ARHGAP24: variants seen among roughly 807,000 people sequenced by gnomAD.
The protein encoded by ARHGAP24 is rho GTPase-activating protein 24.
In ARHGAP24, 50 loss-of-function variants were observed where a neutral mutation model predicts 76.4. The observed-to-expected ratio is 0.65, with a 90% confidence interval of 0.52 to 0.83. The LOEUF (loss-of-function observed/expected upper bound fraction) is 0.83. Ranked by LOEUF, ARHGAP24 falls within the 40% of genes least tolerant of loss-of-function variation. The probability of loss-of-function intolerance (pLI) is 0.00; values close to 1 mark genes in which losing one functional copy is unlikely to be tolerated. For synonymous variants in ARHGAP24, 345 were observed against 323.3 expected, an observed-to-expected ratio of 1.07 and a Z score of -0.72; for missense variants, 930 against 914.2, an observed-to-expected ratio of 1.02 and a Z score of -0.22.
intron 3 of ARHGAP24, among the ~76,000 whole-genome samples, chr4:85,807,527 C>A (rs1436499866): frequency 6.6e-6 from 1 of 152,010 alleles, no homozygotes; most frequent in African/African-American, 2.4e-5. Context: ...TCAATCATAC[C>A]CATTATTGTC....
At chr4:85,616,803 T>C (rs890384391) in intron 2 of ARHGAP24, among the ~76,000 whole-genome samples, 1 of 152,034 alleles carries the variant, frequency 6.6e-6, no homozygotes, top group African/African-American at 2.4e-5. Context: ...AATTTTTGTA[T>C]TTTTAGTAGA....
chr4:85,475,582 A>G (rs981653461), intron 1 of ARHGAP24, 23 bp downstream of exon 1: 1 of 150,238 alleles, frequency 6.7e-6, no homozygotes, highest in Non-Finnish European at 1.5e-5. Flanking sequence ...GTCGCGAGGA[A>G]GTGCGCGGAG....
intron 2 of ARHGAP24, among the ~76,000 whole-genome samples, chr4:85,671,582 T>C (rs1256429417): frequency 3.3e-5 from 5 of 152,328 alleles, no homozygotes; most frequent in African/African-American, 1.2e-4. Context: ...GTTTTAGCTG[T>C]AGACTTTTGT....
intron 2 of ARHGAP24, among the ~76,000 whole-genome samples, chr4:85,717,966 C>T (rs1000234323): frequency 6.6e-6 from 1 of 152,092 alleles, no homozygotes; most frequent in Non-Finnish European, 1.5e-5. Context: ...GATTGGGCAC[C>T]TGACTTGTAC....
intron 3 of ARHGAP24, among the ~76,000 whole-genome samples, chr4:85,896,898 A>G (rs1734209348): frequency 6.6e-6 from 1 of 152,130 alleles, no homozygotes; most frequent in Admixed American, 6.6e-5. Flanking sequence ...ACATATTTAT[A>G]CCCCGTGAGC....
chr4:85,573,905 A>G (rs1578047326), intron 2 of ARHGAP24, among the ~76,000 whole-genome samples: 1 of 152,170 alleles, frequency 6.6e-6, no homozygotes, highest in Non-Finnish European at 1.5e-5. Context: ...GCTTTTAGTC[A>G]GAGGTATTTC....
At chr4:85,683,308 A>G (rs1723296651) in intron 2 of ARHGAP24, among the ~76,000 whole-genome samples, 2 of 152,158 alleles carry the variant, frequency 1.3e-5, no homozygotes, top group South Asian at 4.1e-4. Flanking sequence ...ATTCTCTCAC[A>G]CGTTGTAATG....
rs151161518 is a variant in ARHGAP24, at chr4:85,955,772, A to G, written c.599+13499A>G. 5.5e-4 allele frequency among the ~76,000 whole-genome samples: 84 copies of G among 152,284 alleles called. 1 individual carries two copies. The highest frequency in any genetic ancestry group is 1.9e-3 in the African/African-American group (81 of 41,560). On this transcript the variant is annotated intron_variant, in intron 5 of 9. Transcript: ENST00000395184. ...AGGATAGCAGCAGAATCAACATCACACCATTACTGGGAGCAACATATCAGT... is the reference window on the plus strand; with the variant it reads ...AGGATAGCAGCAGAATCAACATCACGCCATTACTGGGAGCAACATATCAGT...
At chr4:85,909,746 A>C (rs973143897) in intron 3 of ARHGAP24, among the ~76,000 whole-genome samples, 1 of 152,234 alleles carries the variant, frequency 6.6e-6, no homozygotes, top group African/African-American at 2.4e-5. Flanking sequence ...AGCAGGAAAG[A>C]TCAAATTTTA....
At position 85,995,222 on chromosome 4, in the gene ARHGAP24, T is replaced by C; in HGVS notation, c.1568T>C (p.Leu523Ser). 1 of 1,613,970 alleles carries C rather than the reference T, an allele frequency of 6.2e-7. No individual in the cohort carries two copies. Residue 523 changes from leucine (L) to serine (S), a missense_variant, in exon 9 of 10, where the codon TTA becomes TCA. Leu to Ser is a moderately radical substitution (Grantham distance 145). Transcript: ENST00000395184. ...DNKQKEQAGE[L>S]GQHNRLSTYD... ...AAGCAGAAAGAACAAGCTGGAGAGT[T>C]AGGCCAGCACAACAGACTGTCCACC...
chr4:85,922,604 A>G (rs1735788074), intron 3 of ARHGAP24, among the ~76,000 whole-genome samples: 1 of 152,222 alleles, frequency 6.6e-6, no homozygotes, highest in South Asian at 2.1e-4. Flanking sequence ...CCAGTTAAAT[A>G]CTATTCTATT....
At chr4:85,482,476 G>A (rs2110087763) in intron 1 of ARHGAP24, among the ~76,000 whole-genome samples, 1 of 152,196 alleles carries the variant, frequency 6.6e-6, no homozygotes, top group East Asian at 1.9e-4. Flanking sequence ...CATGGGAACT[G>A]CCTCATGAGG....
intron 2 of ARHGAP24, among the ~76,000 whole-genome samples, chr4:85,635,684 G>T (rs371667631): frequency 9.9e-5 from 15 of 151,730 alleles, no homozygotes; most frequent in African/African-American, 3.6e-4. Flanking sequence ...ATCGTACAAA[G>T]GATTTTAATT....
In ARHGAP24 at chr4:85,836,326, A is replaced by G. The variant is rs868136953; in HGVS notation, c.269-87322A>G. On this transcript the variant is annotated intron_variant, in intron 3 of 9. Transcript: ENST00000395184. ...CACAAATGGGTGGTTTAAACAACAA[A>G]AATTTCCTGCCTCACAGTTCTGGAA... Among the ~76,000 whole-genome samples the G allele has an allele frequency of 2.0e-4, 31 of 152,184 alleles. 1 individual carries two copies. Among genetic ancestry groups the G allele is most frequent in the Admixed American group, 9.8e-4 (15 of 15,274 alleles).
At chr4:85,949,159 AT>A (rs1737457079) in intron 5 of ARHGAP24, among the ~76,000 whole-genome samples, 1 of 151,918 alleles carries the variant, frequency 6.6e-6, no homozygotes, top group African/African-American at 2.4e-5. Context: ...TCTAATAGCA[AT>A]TTTTTTCCCC....
intron 1 of ARHGAP24, among the ~76,000 whole-genome samples, chr4:85,563,817 T>G (rs866214202): frequency 6.6e-6 from 1 of 152,196 alleles, no homozygotes; most frequent in African/African-American, 2.4e-5. Flanking sequence ...TGAGCCAATG[T>G]AGAGAGCTGA....
chr4:85,706,560 GTT>G (rs1002019905), intron 2 of ARHGAP24, among the ~76,000 whole-genome samples: 11 of 145,420 alleles, frequency 7.6e-5, no homozygotes, highest in African/African-American at 2.8e-4. Context: ...TGTTGTTTTT[GTT>G]TTTTTTTTTC....
chr4:85,753,295 G>A (rs1469138058), intron 3 of ARHGAP24, among the ~76,000 whole-genome samples: 1 of 151,872 alleles, frequency 6.6e-6, no homozygotes, highest in African/African-American at 2.4e-5. Flanking sequence ...CTGGGTTATG[G>A]GCATAGTAGA....
intron 3 of ARHGAP24, among the ~76,000 whole-genome samples, chr4:85,790,042 G>A (rs1728046807): frequency 6.6e-6 from 1 of 152,046 alleles, no homozygotes; most frequent in Non-Finnish European, 1.5e-5. Flanking sequence ...GAAATCACTT[G>A]AAGAACTTAA....
Sources: allele counts gnomAD v4.1 joint callset (sites outside exome capture counted in the v4.1 genomes callset), GRCh38; gene constraint gnomAD v4.1.1; transcripts MANE v1.5; gene names NCBI Gene and HGNC (gene_info 2026-07-23, HGNC 2026-07-21).